The following MTPN variants were observed in gnomAD, a reference collection of about 807,000 sequenced individuals.
MTPN encodes myotrophin.
Under a neutral mutation model 13.5 loss-of-function variants are expected in MTPN, and 2 were observed. The ratio of observed to expected loss-of-function variants is 0.15; its 90% CI spans 0.06 to 0.47. The LOEUF is 0.47. MTPN is among the 20% of genes least tolerant of loss of function. The pLI is 0.97. For missense variants in MTPN, 79 were observed against 137.9 expected, an observed-to-expected ratio of 0.57 and a Z score of 2.14; for synonymous variants, 46 against 51.7, an observed-to-expected ratio of 0.89 and a Z score of 0.48.
chr7:135,943,694 C>T (rs973089458), intron 3 of MTPN, among the ~76,000 whole-genome samples: 3 of 152,116 alleles, frequency 2.0e-5, no homozygotes, highest in Non-Finnish European at 2.9e-5. Context: ...AAAATTAGCG[C>T]TGCATAACCA....
At chr7:135,933,098 C>CAAAAAAAAAAA (rs56865854) in intron 3 of MTPN, among the ~76,000 whole-genome samples, 1 of 63,064 alleles carries the variant, frequency 1.6e-5, no homozygotes, top group African/African-American at 6.2e-5. Context: ...CACTCAGCCT[C>CAAAAAAAAAAA]AAAAAAAAAA....
intron 3 of MTPN, among the ~76,000 whole-genome samples, chr7:135,934,188 C>G (rs1036523865): frequency 1.3e-5 from 2 of 152,160 alleles, no homozygotes; most frequent in Admixed American, 6.5e-5. Flanking sequence ...ATTGCTACCA[C>G]AGAGAGAAAC....
At chr7:135,975,036 C>CT (rs933683840) in intron 1 of MTPN, among the ~76,000 whole-genome samples, 11 of 152,200 alleles carry the variant, frequency 7.2e-5, no homozygotes, top group Admixed American at 6.5e-5. Context: ...GATAGTCCAA[C>CT]TTTCAATACT....
At chr7:135,935,000 T>C (rs1262993258) in intron 3 of MTPN, among the ~76,000 whole-genome samples, 2 of 152,202 alleles carry the variant, frequency 1.3e-5, no homozygotes, top group Non-Finnish European at 2.9e-5. Context: ...CATAAATACC[T>C]TGAATTCAAC....
chr7:135,971,763 A>T (rs1251582113), intron 1 of MTPN, among the ~76,000 whole-genome samples: 1 of 152,226 alleles, frequency 6.6e-6, no homozygotes, highest in African/African-American at 2.4e-5. Context: ...TCAAAATGTT[A>T]CTTGTTTTAT....
At chr7:135,958,135 C>A (rs1263457278) in intron 1 of MTPN, among the ~76,000 whole-genome samples, 1 of 152,106 alleles carries the variant, frequency 6.6e-6, no homozygotes, top group Admixed American at 6.6e-5. Flanking sequence ...ATATATAATT[C>A]CCTTCCTTTA....
chr7:135,940,140 TAGTTCCATGGTACTA>T (rs1384765459), intron 3 of MTPN, among the ~76,000 whole-genome samples: 2 of 152,216 alleles, frequency 1.3e-5, no homozygotes, highest in African/African-American at 4.8e-5. Flanking sequence ...CAACTGTTTG[TAGTTCCATGGTACTA>T]TGAGAAAATG....
chr7:135,958,955 G>A (rs770523016), intron 1 of MTPN, among the ~76,000 whole-genome samples: 7 of 152,052 alleles, frequency 4.6e-5, no homozygotes, highest in African/African-American at 1.2e-4. Flanking sequence ...ATTTCTAACC[G>A]ATCCCCTGAT....
chr7:135,976,198 G>A (rs1799770161), intron 1 of MTPN, among the ~76,000 whole-genome samples: 1 of 152,168 alleles, frequency 6.6e-6, no homozygotes, highest in South Asian at 2.1e-4. Context: ...CTGCCACAAT[G>A]TCGATTCAGT....
In MTPN at chr7:135,963,596, G is replaced by A. The variant is rs182826678; in HGVS notation, c.73-11966C>T. Among the ~76,000 whole-genome samples the A allele has an allele frequency of 1.4e-3, 219 of 152,094 alleles. 1 individual carries two copies. Among genetic ancestry groups the A allele is most frequent in the African/African-American group, 5.0e-3 (208 of 41,524 alleles). ...AAGGACGAAAGTATAACATCAACCT[G>A]CTCTTACTTGACATATTTTCTGAAA... On this transcript the variant is annotated intron_variant, in intron 1 of 3. Transcript: ENST00000393085.
chr7:135,951,527 G>A lies in MTPN; in HGVS notation c.176C>T (p.Ala59Val), dbSNP rs62489147. The A allele has an allele frequency of 6.2e-7, 1 of 1,611,468 alleles. No homozygotes were observed. The highest frequency in any genetic ancestry group is 8.5e-7 in the Non-Finnish European group (1 of 1,178,452). ...EILEFLLLKG[A>V]DINAPDKHHI... is the part of the protein sequence containing the mutation. ...ACGTCCTCTACGTACATTAATATCTGCTCCTTTCAGCAGCAGAAATTCCAG... is the reference window on the plus strand; with the variant it reads ...ACGTCCTCTACGTACATTAATATCTACTCCTTTCAGCAGCAGAAATTCCAG... The change falls in exon 2 of 4, where the codon GCA becomes GTA. Residue 59 changes from alanine to valine, a missense_variant. By Grantham distance (64) the Ala-to-Val change is moderately conservative. Coordinates refer to ENST00000393085, the MANE Select transcript of MTPN (RefSeq NM_145808.4).
intron 1 of MTPN, among the ~76,000 whole-genome samples, chr7:135,965,237 A>G (rs538763046): frequency 6.6e-6 from 1 of 152,258 alleles, no homozygotes; most frequent in Admixed American, 6.5e-5. Flanking sequence ...TTACATTTAC[A>G]TTATTTTTTA....
intron 3 of MTPN, among the ~76,000 whole-genome samples, chr7:135,940,531 T>A (rs13227137): frequency 0.012 from 1,775 of 152,284 alleles, 16 homozygotes; most frequent in African/African-American, 0.021. Context: ...TGTAACCACA[T>A]GTTTCTCACA....
At chr7:135,950,770 C>T (rs769804296) in intron 2 of MTPN, 88 bp from the exon 3 acceptor site, 1 of 1,010,920 alleles carries the variant, frequency 9.9e-7, no homozygotes, top group African/African-American at 1.6e-5. Context: ...TCTAGATTTA[C>T]CTATTTGCCT....
intron 1 of MTPN, among the ~76,000 whole-genome samples, chr7:135,961,677 T>C (rs953505030): frequency 1.5e-4 from 23 of 152,052 alleles, no homozygotes; most frequent in African/African-American, 4.8e-4. Flanking sequence ...ATAAAGAATC[T>C]TGAATTTTGT....
intron 3 of MTPN, among the ~76,000 whole-genome samples, chr7:135,938,712 C>A (rs1314820573): frequency 6.6e-6 from 1 of 152,136 alleles, no homozygotes; most frequent in Non-Finnish European, 1.5e-5. Context: ...GGAGAGAAGG[C>A]CTACTGAAGA....
chr7:135,933,605 G>A (rs551550140), intron 3 of MTPN, among the ~76,000 whole-genome samples: 1 of 152,096 alleles, frequency 6.6e-6, no homozygotes, highest in South Asian at 2.1e-4. Flanking sequence ...TACTGCTCTT[G>A]GTGGCACCTA....
At chr7:135,973,077 CAGTG>C (rs1326794492) in intron 1 of MTPN, among the ~76,000 whole-genome samples, 2 of 150,050 alleles carry the variant, frequency 1.3e-5, no homozygotes, top group Non-Finnish European at 3.0e-5. Context: ...TTAAAATAAG[CAGTG>C]AGAAATCACA....
chr7:135,953,098 C>T (rs1250620108), intron 1 of MTPN, among the ~76,000 whole-genome samples: 2 of 152,202 alleles, frequency 1.3e-5, no homozygotes, highest in East Asian at 3.8e-4. Context: ...AACACACATA[C>T]TCCAAACTCC....
Sources: allele counts gnomAD v4.1 joint callset (sites outside exome capture counted in the v4.1 genomes callset), GRCh38; gene constraint gnomAD v4.1.1; transcripts MANE v1.5; gene names NCBI Gene and HGNC (gene_info 2026-07-23, HGNC 2026-07-21).